The following RBM17 variants were observed in gnomAD, a reference collection of about 807,000 sequenced individuals.
The protein encoded by RBM17 is splicing factor 45.
In RBM17, 7 loss-of-function variants were observed where a neutral mutation model predicts 53.2. The ratio of observed to expected loss-of-function variants is 0.13; its 90% CI spans 0.07 to 0.25. The LOEUF (loss-of-function observed/expected upper bound fraction) is 0.25. Among genes scored for constraint, RBM17 ranks in the 10% least tolerant of loss-of-function variants. The pLI is 1.00. For synonymous variants in RBM17, 167 were observed against 178.1 expected (o/e 0.94, Z 0.50); for missense variants, 257 against 496.7 (o/e 0.52, Z 4.59).
At chr10:6,107,884 A>G (rs564268747) in intron 5 of RBM17, among the ~76,000 whole-genome samples, 2 of 152,328 alleles carry the variant, frequency 1.3e-5, no homozygotes, top group Non-Finnish European at 2.9e-5. Flanking sequence ...TGATTAAGCC[A>G]TAATACATAT....
intron 1 of RBM17, among the ~76,000 whole-genome samples, chr10:6,093,456 T>G (rs940054239): frequency 6.6e-6 from 1 of 152,190 alleles, no homozygotes; most frequent in African/African-American, 2.4e-5. Flanking sequence ...TGACCTCAAG[T>G]GATCCGCCCG....
chr10:6,109,969 TTA>T lies in RBM17; in HGVS notation c.563-15_563-14del. 1 of 1,593,432 alleles carries T rather than the reference TTA, an allele frequency of 6.3e-7. No homozygotes were observed. The highest frequency in any genetic ancestry group is 8.5e-7 in the Non-Finnish European group (1 of 1,169,870). ...TCTATAGTATTTTGGTGAGCCTACTTTATTTTTCTCCAATAGTACCCCGAGAT... is the reference window on the plus strand; with the variant it reads ...TCTATAGTATTTTGGTGAGCCTACTTTTTTTCTCCAATAGTACCCCGAGAT... On this transcript the variant is annotated splice_polypyrimidine_tract_variant and intron_variant, in intron 6 of 11. Coordinates refer to ENST00000379888, the MANE Select transcript of RBM17 (RefSeq NM_032905.5).
chr10:6,096,906 C>A, intron 1 of RBM17, 142 bp from the exon 2 acceptor site: 1 of 616,278 alleles, frequency 1.6e-6, no homozygotes, highest in Non-Finnish European at 2.9e-6. Context: ...AATAGCCCTA[C>A]ATTAATGGTA....
At position 6,105,024 on chromosome 10, in the gene RBM17, G is replaced by A. The variant is rs771365351; in HGVS notation, c.334G>A (p.Val112Met). 6.2e-7 allele frequency: 1 copy of A among 1,614,118 alleles called. No homozygotes were observed. Among genetic ancestry groups the A allele is most frequent in the South Asian group, 1.1e-5 (1 of 91,084 alleles). The stretch of plus-strand genomic sequence containing the variant: ...GTTTCCTAATGATTATGAGAAAGTA[G>A]TGAAGCGCCAAAGAGAGGAACGACA... ...PMFPNDYEKV[V>M]KRQREERQRQ... The change falls in exon 4 of 12, where the codon GTG becomes ATG. Residue 112 changes from valine (V) to methionine (M), a missense_variant. Transcript: ENST00000379888.
At chr10:6,105,980 T>G (rs187917647) in intron 4 of RBM17, among the ~76,000 whole-genome samples, 161 bp from the exon 5 acceptor site, 2 of 152,220 alleles carry the variant, frequency 1.3e-5, no homozygotes, top group Non-Finnish European at 2.9e-5. Flanking sequence ...TTATCTACTT[T>G]AGTCTTTTAC....
chr10:6,095,708 T>C (rs958200966), intron 1 of RBM17, among the ~76,000 whole-genome samples: 1 of 152,202 alleles, frequency 6.6e-6, no homozygotes, highest in African/African-American at 2.4e-5. Flanking sequence ...TCTGGGGTGC[T>C]GACTTCAGGC....
intron 7 of RBM17, among the ~76,000 whole-genome samples, chr10:6,111,866 A>C (rs911599602): frequency 3.9e-5 from 6 of 152,208 alleles, no homozygotes; most frequent in African/African-American, 1.4e-4. Context: ...GCCACTTTTT[A>C]ATAAACTGTG....
In RBM17 at chr10:6,092,055, T is replaced by C. The variant is rs556136718; in HGVS notation, c.-19+2862T>C. Among the ~76,000 whole-genome samples, 20 of 152,358 alleles carry C rather than the reference T, an allele frequency of 1.3e-4. No homozygotes were observed. In the South Asian group the frequency reaches 1.7e-3, roughly 13 times the overall value. Reference sequence around the variant, plus strand: ...CCTTCTGGCAGAACCATGTTTGTTATGTTTCCTAAGAAAAAATGTAGCATA... The same window carrying C: ...CCTTCTGGCAGAACCATGTTTGTTACGTTTCCTAAGAAAAAATGTAGCATA... On this transcript the variant is annotated intron_variant, in intron 1 of 11. Coordinates refer to ENST00000379888, the MANE Select transcript of RBM17 (RefSeq NM_032905.5).
At chr10:6,096,772 T>G (rs1445775671) in intron 1 of RBM17, 1 of 185,528 alleles carries the variant, frequency 5.4e-6, no homozygotes, top group African/African-American at 2.3e-5. Flanking sequence ...TCTTACCTCA[T>G]TATGTGCCCT....
intron 1 of RBM17, 132 bp from the exon 2 acceptor site, chr10:6,096,916 A>G: frequency 3.0e-6 from 2 of 665,256 alleles, no homozygotes; most frequent in Non-Finnish European, 2.6e-6. Context: ...CATTAATGGT[A>G]CCAGGAGCCT....
Position 6,109,981 on chromosome 10 carries a change from A to T in RBM17, c.563-5A>T. The T allele has an allele frequency of 6.2e-7, 1 of 1,600,962 alleles. No individual in the cohort carries two copies. Among genetic ancestry groups the T allele is most frequent in the Non-Finnish European group, 8.5e-7 (1 of 1,173,706 alleles). On this transcript the variant is annotated splice_polypyrimidine_tract_variant and splice_region_variant and intron_variant, in intron 6 of 11. Transcript: ENST00000379888. ...TGGTGAGCCTACTTTATTTTTCTCC[A>T]ATAGTACCCCGAGATTTTCCTTATG...
At position 6,117,406 on chromosome 10, in the gene RBM17, A is replaced by C. The variant is rs1274912836; in HGVS notation, c.*1850A>C. ...TATTAACATTTAAGCTAATATAAAA[A>C]TTTTAAATTTCAATAAAAATTAAAA... is the stretch of plus-strand genomic sequence containing the variant. On this transcript the variant is annotated 3_prime_UTR_variant, in exon 12 of 12. Coordinates refer to ENST00000379888, the MANE Select transcript of RBM17 (RefSeq NM_032905.5). 1.3e-5 allele frequency: 2 copies of C among 152,148 alleles called. No homozygotes were observed. The highest frequency in any genetic ancestry group is 4.8e-5 in the African/African-American group (2 of 41,426). 9.4% of individuals were successfully genotyped at this position (152,148 alleles called of 1,614,324 possible). A position where few individuals can be genotyped will look rare whatever the true frequency, so the allele number is the denominator to read the frequency against.
intron 2 of RBM17, among the ~76,000 whole-genome samples, chr10:6,097,712 C>T (rs1840597046): frequency 6.6e-6 from 1 of 152,224 alleles, no homozygotes; most frequent in Admixed American, 6.5e-5. Flanking sequence ...GTACTCTGAA[C>T]CAGCAGTGAC....
intron 1 of RBM17, among the ~76,000 whole-genome samples, chr10:6,093,226 A>AT (rs974650935): frequency 3.3e-5 from 5 of 151,392 alleles, no homozygotes; most frequent in African/African-American, 1.2e-4. Context: ...TTTTTATTTT[A>AT]TTTTTTTGAG....
At chr10:6,093,742 T>C (rs1047323512) in intron 1 of RBM17, among the ~76,000 whole-genome samples, 2 of 152,208 alleles carry the variant, frequency 1.3e-5, no homozygotes, top group African/African-American at 2.4e-5. Context: ...ACCAGAAGTG[T>C]TTCAGATTTC....
chr10:6,109,978 T>TC lies in RBM17; in HGVS notation c.563-6dup. On this transcript the variant is annotated splice_polypyrimidine_tract_variant and splice_region_variant and intron_variant, in intron 6 of 11. Coordinates refer to ENST00000379888, the MANE Select transcript of RBM17 (RefSeq NM_032905.5). The stretch of plus-strand genomic sequence containing the variant: ...TTTTGGTGAGCCTACTTTATTTTTC[T>TC]CCAATAGTACCCCGAGATTTTCCTT... The TC allele has an allele frequency of 6.3e-7, 1 of 1,598,096 alleles. No homozygotes were observed. The highest frequency in any genetic ancestry group is 8.5e-7 in the Non-Finnish European group (1 of 1,172,658).
Position 6,112,498 on chromosome 10 carries a change from T to C in RBM17, c.856+137T>C. On this transcript the variant is annotated intron_variant, in intron 8 of 11. Transcript: ENST00000379888. This position sits in a 1 kb window ranked among gnomAD's most constrained non-coding sequence, Gnocchi z 4.4. ...CAGAGGGAGAGGGCTGGCCCTGCCA[T>C]CACTAGAACACAGGCCGTCCTGTTC... is the stretch of plus-strand genomic sequence containing the variant. The C allele has an allele frequency of 9.7e-7, 1 of 1,031,964 alleles. No individual in the cohort carries two copies. Among genetic ancestry groups the C allele is most frequent in the Non-Finnish European group, 1.5e-6 (1 of 679,256 alleles). The allele number at this position is 1,031,964 out of a possible 1,614,324, so 63.9% of individuals were successfully genotyped here. A position where few individuals can be genotyped will look rare whatever the true frequency, so the allele number is the denominator to read the frequency against.
At chr10:6,097,612 A>C (rs1258004464) in intron 2 of RBM17, among the ~76,000 whole-genome samples, 1 of 152,232 alleles carries the variant, frequency 6.6e-6, no homozygotes, top group African/African-American at 2.4e-5. Context: ...CAGAGCTTGC[A>C]GTGAGCCGAG....
intron 3 of RBM17, among the ~76,000 whole-genome samples, chr10:6,104,650 A>G (rs1163311276): frequency 2.0e-5 from 3 of 152,204 alleles, no homozygotes; most frequent in Non-Finnish European, 4.4e-5. Context: ...AGTAACTTAT[A>G]TTTTAGCTGG....
Sources: allele counts gnomAD v4.1 joint callset (sites outside exome capture counted in the v4.1 genomes callset), GRCh38; gene constraint gnomAD v4.1.1; non-coding constraint Gnocchi (gnomAD v3.1); transcripts MANE v1.5; gene names NCBI Gene and HGNC (gene_info 2026-07-23, HGNC 2026-07-21).